Variants in SKI observed in about 807,000 individuals in gnomAD.
SKI encodes SKI proto-oncogene, also known as ski oncogene.
In SKI, 23 loss-of-function variants were observed where a neutral mutation model predicts 59.3. The observed-to-expected ratio is 0.39, with a 90% CI of 0.28 to 0.55. The LOEUF (loss-of-function observed/expected upper bound fraction) is 0.55. Among genes scored for constraint, SKI ranks in the 20% least tolerant of loss-of-function variants. The pLI is 0.67. For missense variants in SKI, 1,017 were observed against 1,038.9 expected (o/e 0.98, Z 0.29); for synonymous variants, 673 against 488.6 (o/e 1.38, Z -4.98).
At chr1:2,253,240 C>G (rs1236407415) in intron 1 of SKI, among the ~76,000 whole-genome samples, 1 of 152,222 alleles carries the variant, frequency 6.6e-6, no homozygotes, top group Non-Finnish European at 1.5e-5. Flanking sequence ...AGGCCTACAT[C>G]ACAGGCTCCA....
At chr1:2,250,752 C>T (rs1291648680) in intron 1 of SKI, among the ~76,000 whole-genome samples, 1 of 152,256 alleles carries the variant, frequency 6.6e-6, no homozygotes, top group African/African-American at 2.4e-5. Context: ...TCTGCCACGC[C>T]CTCTTCAGTA....
rs1462281191 is a variant in SKI, at chr1:2,268,232, T to C, written c.970-34746T>C. On this transcript the variant is annotated intron_variant, in intron 1 of 6. Transcript: ENST00000378536. The surrounding 1 kb of genome is among the most constrained non-coding windows in gnomAD (Gnocchi z 5.0). ...TTGGGGGCCGGCGTCGCCTCCCTGC[T>C]GCTCCTACTGTGTGCTTTCTTGCCC... Among the ~76,000 whole-genome samples the C allele has an allele frequency of 6.6e-6, 1 of 152,214 alleles. No individual in the cohort carries two copies. Among genetic ancestry groups the C allele is most frequent in the Admixed American group, 6.5e-5 (1 of 15,290 alleles).
intron 1 of SKI, among the ~76,000 whole-genome samples, chr1:2,265,410 G>A (rs1281148085): frequency 2.0e-5 from 3 of 152,116 alleles, no homozygotes; most frequent in Non-Finnish European, 4.4e-5. Flanking sequence ...CTCCTCCACG[G>A]TTAATCCCAT....
intron 1 of SKI, among the ~76,000 whole-genome samples, chr1:2,285,687 C>T (rs888494702): frequency 1.3e-5 from 2 of 151,026 alleles, no homozygotes; most frequent in African/African-American, 4.9e-5. Context: ...CCTCAGCCTC[C>T]CTAGTAGCTG....
At chr1:2,288,828 G>A (rs757279092) in intron 1 of SKI, among the ~76,000 whole-genome samples, 10 of 152,110 alleles carry the variant, frequency 6.6e-5, no homozygotes, top group Non-Finnish European at 1.2e-4. Context: ...TACCAAGTTC[G>A]TCTTCATCCT....
At chr1:2,280,204 CTA>C (rs773737132) in intron 1 of SKI, among the ~76,000 whole-genome samples, 3 of 145,688 alleles carry the variant, frequency 2.1e-5, no homozygotes, top group South Asian at 2.2e-4. Flanking sequence ...CACGTATCTA[CTA>C]AAAAAAAAAA....
intron 1 of SKI, among the ~76,000 whole-genome samples, chr1:2,243,179 A>C (rs1426521494): frequency 6.6e-6 from 1 of 152,156 alleles, no homozygotes; most frequent in Non-Finnish European, 1.5e-5. Flanking sequence ...TCTGGAACTT[A>C]CTTAGTGTCT....
chr1:2,278,070 G>A (rs893128095), intron 1 of SKI, among the ~76,000 whole-genome samples: 5 of 152,204 alleles, frequency 3.3e-5, no homozygotes, highest in African/African-American at 9.7e-5. Context: ...TGCCTGCTTC[G>A]CCCTCGGGTG....
At chr1:2,298,265 C>A (rs1640335468) in intron 1 of SKI, among the ~76,000 whole-genome samples, 1 of 152,204 alleles carries the variant, frequency 6.6e-6, no homozygotes, top group African/African-American at 2.4e-5. Flanking sequence ...GTGACTGAGG[C>A]TGGTGCCCTC....
rs1440674103 is a variant in SKI, at chr1:2,270,032, C to T, written c.970-32946C>T. On this transcript the variant is annotated intron_variant, in intron 1 of 6. Coordinates refer to ENST00000378536, the MANE Select transcript of SKI (RefSeq NM_003036.4). The surrounding 1 kb of genome is among the most constrained non-coding windows in gnomAD (Gnocchi z 4.1). ...GCTGGCGTGGGTCTGGCGGGTCTGG[C>T]ATGTTTGGTGGTGCCTGCCATCAGG... 6.6e-6 allele frequency among the ~76,000 whole-genome samples: 1 copy of T among 151,212 alleles called. No homozygotes were observed. The highest frequency in any genetic ancestry group is 2.4e-5 in the African/African-American group (1 of 41,072).
Position 2,268,865 on chromosome 1 carries a change from C to T in SKI, c.970-34113C>T, listed in dbSNP as rs1422733370. ...GATTCCTTCTTCCCTCCCTCCCTCC[C>T]TTCTGCCTTTCCCCTTTATCCTTTC... On this transcript the variant is annotated intron_variant, in intron 1 of 6. Coordinates refer to ENST00000378536, the MANE Select transcript of SKI (RefSeq NM_003036.4). The surrounding 1 kb of genome is among the most constrained non-coding windows in gnomAD (Gnocchi z 5.0). Among the ~76,000 whole-genome samples, 2 of 152,056 alleles carry T rather than the reference C, an allele frequency of 1.3e-5. No individual in the cohort carries two copies. The highest frequency in any genetic ancestry group is 1.9e-4 in the East Asian group (1 of 5,146).
At chr1:2,276,568 G>A (rs1368274850) in intron 1 of SKI, among the ~76,000 whole-genome samples, 3 of 152,258 alleles carry the variant, frequency 2.0e-5, no homozygotes, top group Non-Finnish European at 4.4e-5. Context: ...ATAAGCAAGA[G>A]ACAGAATTGT....
At chr1:2,296,187 A>G (rs1028428074) in intron 1 of SKI, among the ~76,000 whole-genome samples, 3 of 151,752 alleles carry the variant, frequency 2.0e-5, no homozygotes, top group African/African-American at 4.8e-5. Flanking sequence ...AGGACCAGCC[A>G]GGGCAACAAA....
chr1:2,288,623 G>A (rs1640096504), intron 1 of SKI, among the ~76,000 whole-genome samples: 1 of 152,242 alleles, frequency 6.6e-6, no homozygotes, highest in Non-Finnish European at 1.5e-5. Flanking sequence ...GTCGTGGGAT[G>A]TGTTCTCTGC....
rs1640480953 is a variant in SKI, at chr1:2,303,528, CGGTGTT to C, written c.1211+132_1211+137del. 22 of 840,126 alleles carry C rather than the reference CGGTGTT, an allele frequency of 2.6e-5. No individual in the cohort carries two copies. Among genetic ancestry groups the C allele is most frequent in the Non-Finnish European group, 3.8e-5 (20 of 529,710 alleles). The allele number at this position is 840,126 out of a possible 1,614,324, so 52.0% of individuals were successfully genotyped here. On this transcript the variant is annotated intron_variant, in intron 3 of 6. Transcript: ENST00000378536. The surrounding 1 kb of genome is among the most constrained non-coding windows in gnomAD (Gnocchi z 5.6). ...TGCCGCCTTTTGGTCAGGGCAGTCT[CGGTGTT>C]GGTTCCTTTGGCTGGCATCAGGGAG...
At chr1:2,260,540 T>TTTC (rs1553194297) in intron 1 of SKI, among the ~76,000 whole-genome samples, 5 of 127,518 alleles carry the variant, frequency 3.9e-5, no homozygotes, top group East Asian at 2.2e-4. Flanking sequence ...TTTTTCTTTT[T>TTTC]TTTTTTTTTT....
At chr1:2,278,380 A>G (rs1309706834) in intron 1 of SKI, among the ~76,000 whole-genome samples, 1 of 152,228 alleles carries the variant, frequency 6.6e-6, no homozygotes, top group Non-Finnish European at 1.5e-5. Flanking sequence ...GTATCAGGGC[A>G]GTGGTGAAAC....
At chr1:2,243,110 G>T (rs1053751321) in intron 1 of SKI, among the ~76,000 whole-genome samples, 1 of 152,236 alleles carries the variant, frequency 6.6e-6, no homozygotes, top group Non-Finnish European at 1.5e-5. Flanking sequence ...TGCCTTGGGT[G>T]CCTGGTGCCT....
rs1377059162 is a variant in SKI at position 2,310,206 on chromosome 1, T to C, written c.*3441T>C. On this transcript the variant is annotated 3_prime_UTR_variant, in exon 7 of 7. Transcript: ENST00000378536. The stretch of plus-strand genomic sequence containing the variant: ...GATGACATTGTACAATAAAGGACTT[T>C]GAGAGGACCGCGGGACAGCTGTGCG... 6.6e-6 allele frequency: 1 copy of C among 152,082 alleles called. No homozygotes were observed. Among genetic ancestry groups the C allele is most frequent in the Non-Finnish European group, 1.5e-5 (1 of 68,024 alleles). 9.4% of individuals were successfully genotyped at this position (152,082 alleles called of 1,614,324 possible).
Sources: allele counts gnomAD v4.1 joint callset (sites outside exome capture counted in the v4.1 genomes callset), GRCh38; gene constraint gnomAD v4.1.1; non-coding constraint Gnocchi (gnomAD v3.1); transcripts MANE v1.5; gene names NCBI Gene and HGNC (gene_info 2026-07-23, HGNC 2026-07-21).